Variants in USP31 observed in about 807,000 individuals in gnomAD.
The protein encoded by USP31 is ubiquitin specific peptidase 31, also known as ubiquitin carboxyl-terminal hydrolase 31.
In USP31, 44 loss-of-function variants were observed where a neutral mutation model predicts 119.4. The ratio of observed to expected loss-of-function variants is 0.37; its 90% CI spans 0.29 to 0.47. The LOEUF is 0.47. Ranked by LOEUF, USP31 falls within the 20% of genes least tolerant of loss-of-function variation. USP31 has a pLI of 0.99. For synonymous variants in USP31, 749 were observed against 705.6 expected (o/e 1.06, Z -0.97); for missense variants, 1,643 against 1,730.2 (o/e 0.95, Z 0.89).
At chr16:23,108,323 AG>A (rs1303815056) in intron 1 of USP31, 140 bp from the exon 2 acceptor site, 1 of 1,183,634 alleles carries the variant, frequency 8.4e-7, no homozygotes, top group African/African-American at 1.6e-5. Context: ...AAGTAAAAAC[AG>A]ATGCCAGTGT....
chr16:23,123,410 C>A (rs769310181), intron 1 of USP31, among the ~76,000 whole-genome samples: 1 of 151,902 alleles, frequency 6.6e-6, no homozygotes, highest in Non-Finnish European at 1.5e-5. Context: ...TGTTGGTGCC[C>A]GCCTGTAATT....
intron 1 of USP31, among the ~76,000 whole-genome samples, chr16:23,142,585 G>T (rs1567250029): frequency 6.6e-6 from 1 of 152,220 alleles, no homozygotes. Flanking sequence ...GTCAGTGGAA[G>T]TCAGAATTCT....
intron 1 of USP31, among the ~76,000 whole-genome samples, chr16:23,140,999 G>C (rs1903337407): frequency 6.6e-6 from 1 of 152,088 alleles, no homozygotes; most frequent in Non-Finnish European, 1.5e-5. Context: ...CCTCCTGACT[G>C]GTCTCTGCCT....
chr16:23,068,319 GACAGACTTA>G lies in USP31; in HGVS notation c.3777_3785del (p.Lys1260_Val1262del). On this transcript the variant is annotated inframe_deletion, in exon 16 of 16. Coordinates refer to ENST00000219689, the MANE Select transcript of USP31 (RefSeq NM_020718.4). ...CCTCGTCGTCCCCGGTGTTCTTACA[GACAGACTTA>G]ACAGAGCTCCCACCAGCCTTTTTAG... 6.2e-7 allele frequency: 1 copy of G among 1,614,136 alleles called. No homozygotes were observed. The highest frequency in any genetic ancestry group is 8.5e-7 in the Non-Finnish European group (1 of 1,179,954).
chr16:23,097,644 T>C (rs1448218024), intron 6 of USP31, among the ~76,000 whole-genome samples: 2 of 152,200 alleles, frequency 1.3e-5, no homozygotes, highest in Non-Finnish European at 1.5e-5. Flanking sequence ...GTTGGCTTCA[T>C]CCCTGGGATG....
At chr16:23,146,506 C>T (rs982546850) in intron 1 of USP31, among the ~76,000 whole-genome samples, 1 of 151,944 alleles carries the variant, frequency 6.6e-6, no homozygotes, top group Admixed American at 6.6e-5. Context: ...CCAGCCTGGG[C>T]GACAGAGTGA....
chr16:23,114,804 G>C (rs1902439556), intron 1 of USP31, among the ~76,000 whole-genome samples: 1 of 152,108 alleles, frequency 6.6e-6, no homozygotes, highest in South Asian at 2.1e-4. Flanking sequence ...CACTATATCA[G>C]ACCCTAAAGG....
At chr16:23,088,265 A>G (rs948994667) in intron 7 of USP31, among the ~76,000 whole-genome samples, 16 of 152,204 alleles carry the variant, frequency 1.1e-4, no homozygotes, top group African/African-American at 3.6e-4. Context: ...GGCACTGGCA[A>G]GCAAGTGACA....
At position 23,065,854 on chromosome 16, in the gene USP31, A is replaced by G. The variant is rs1900045350; in HGVS notation, c.*2192T>C. On this transcript the variant is annotated 3_prime_UTR_variant, in exon 16 of 16. Transcript: ENST00000219689. ...TTAAAAACCTTTGTCTAATCAAACT[A>G]TAATTGTTTCAGAGATTCAGATAGG... 6.6e-6 allele frequency: 1 copy of G among 152,206 alleles called. No homozygotes were observed. The highest frequency in any genetic ancestry group is 1.5e-5 in the Non-Finnish European group (1 of 68,052). 9.4% of individuals were successfully genotyped at this position (152,206 alleles called of 1,614,324 possible). A position where few individuals can be genotyped will look rare whatever the true frequency, so the allele number is the denominator to read the frequency against.
At chr16:23,069,767 G>T in intron 15 of USP31, 151 bp from the exon 16 acceptor site, 1 of 1,049,508 alleles carries the variant, frequency 9.5e-7, no homozygotes, top group Non-Finnish European at 1.3e-6. Flanking sequence ...AGGAGTCCCT[G>T]TGTGGCTTTG....
intron 13 of USP31, chr16:23,079,680 A>G (rs1432279387): frequency 2.9e-6 from 1 of 341,050 alleles, no homozygotes; most frequent in East Asian, 4.7e-5. Context: ...AACAAAGAGC[A>G]AATCCTCAGT....
chr16:23,120,000 C>A (rs561506421), intron 1 of USP31, among the ~76,000 whole-genome samples: 1 of 152,198 alleles, frequency 6.6e-6, no homozygotes, highest in East Asian at 1.9e-4. Flanking sequence ...CTTGCTGACT[C>A]CAAGTTTAGA....
intron 6 of USP31, among the ~76,000 whole-genome samples, chr16:23,101,970 TA>T (rs34773118): frequency 0.039 from 3,313 of 85,544 alleles, 52 homozygotes; most frequent in Middle Eastern, 0.079. Context: ...TAGCAAAATT[TA>T]AAAAAAAAAA....
intron 1 of USP31, among the ~76,000 whole-genome samples, chr16:23,142,786 CCAGG>C (rs1024097486): frequency 6.6e-6 from 1 of 152,128 alleles, no homozygotes; most frequent in African/African-American, 2.4e-5. Flanking sequence ...AGAGAACTGA[CCAGG>C]AAGGGATGTA....
chr16:23,089,842 C>T (rs1315456675), intron 7 of USP31, among the ~76,000 whole-genome samples: 1 of 152,084 alleles, frequency 6.6e-6, no homozygotes, highest in Non-Finnish European at 1.5e-5. Context: ...GTGCCATTTG[C>T]CAAGATGGGA....
chr16:23,140,283 A>G (rs1344029493), intron 1 of USP31, among the ~76,000 whole-genome samples: 1 of 152,072 alleles, frequency 6.6e-6, no homozygotes, highest in Non-Finnish European at 1.5e-5. Context: ...AGTGGTTCTC[A>G]ATTTTGCTGC....
At position 23,068,250 on chromosome 16, in the gene USP31, T is replaced by G. The variant is rs1280680121; in HGVS notation, c.3855A>C (p.Ala1285=). 2 of 1,614,128 alleles carry G rather than the reference T, an allele frequency of 1.2e-6. No individual in the cohort carries two copies. Among genetic ancestry groups the G allele is most frequent in the Non-Finnish European group, 1.7e-6 (2 of 1,179,994 alleles). The change falls in exon 16 of 16, where the codon GCA becomes GCC. Residue 1285 remains alanine, a synonymous_variant. Coordinates refer to ENST00000219689, the MANE Select transcript of USP31 (RefSeq NM_020718.4). Reference sequence around the variant, plus strand: ...CAAGCTGCTCTTTTCCCGTTGTATTTGCATTTGGCTGCTGGGAAGCTGGAG... The same window carrying G: ...CAAGCTGCTCTTTTCCCGTTGTATTGGCATTTGGCTGCTGGGAAGCTGGAG... ...HQPPASQQPN[A]NTTGKEQLVT...
rs1035004210 is a variant in USP31 at position 23,083,554 on chromosome 16, T to C, written c.1831-997A>G. 2.1e-5 allele frequency among the ~76,000 whole-genome samples: 3 copies of C among 146,332 alleles called. No individual in the cohort carries two copies. The East Asian group carries it at 6.0e-4, about 29-fold the overall frequency. On this transcript the variant is annotated intron_variant, in intron 11 of 15. Coordinates refer to ENST00000219689, the MANE Select transcript of USP31 (RefSeq NM_020718.4). ...TGCTGCCATCTAGTAGATTTGCTCA[T>C]CCATTATCTTTGTGCCATTATCAAA... is the stretch of plus-strand genomic sequence containing the variant.
chr16:23,112,862 C>T (rs1596720665), intron 1 of USP31, among the ~76,000 whole-genome samples: 1 of 151,860 alleles, frequency 6.6e-6, no homozygotes, highest in East Asian at 2.0e-4. Context: ...AATCCCGTCT[C>T]TACTAAAAAC....
Sources: gnomAD v4.1 joint callset for allele counts (sites outside exome capture counted in the v4.1 genomes callset) on GRCh38, gnomAD v4.1.1 for gene constraint, MANE v1.5 for transcripts, NCBI Gene and HGNC (gene_info 2026-07-23, HGNC 2026-07-21) for gene names.